COL4A4: variants seen among roughly 807,000 people sequenced by gnomAD.
The protein encoded by COL4A4 is collagen alpha-4(IV) chain.
COL4A4 carries 105 observed loss-of-function variants against 192.9 expected under a neutral mutation model. The observed-to-expected ratio is 0.54, with a 90% CI of 0.46 to 0.64. The LOEUF is 0.64. COL4A4 is among the 30% of genes least tolerant of loss of function. The pLI is 0.00. For synonymous variants in COL4A4, 762 were observed against 769.9 expected (o/e 0.99, Z 0.17); for missense variants, 1,967 against 2,169.3 (o/e 0.91, Z 1.85).
intron 23 of COL4A4, 94 bp from the exon 24 acceptor site, chr2:227,080,643 T>C: frequency 8.9e-7 from 1 of 1,119,368 alleles, no homozygotes; most frequent in South Asian, 1.3e-5. Flanking sequence ...ACCTTGATTC[T>C]GGGTTGGTAG....
chr2:227,133,405 C>A (rs1429162053), intron 4 of COL4A4, among the ~76,000 whole-genome samples: 1 of 152,220 alleles, frequency 6.6e-6, no homozygotes, highest in African/African-American at 2.4e-5. Flanking sequence ...TTTTCTCATG[C>A]ACGGATGCTG....
intron 24 of COL4A4, among the ~76,000 whole-genome samples, chr2:227,078,922 C>G (rs567732386): frequency 3.5e-4 from 54 of 152,306 alleles, no homozygotes; most frequent in Admixed American, 5.9e-4. Flanking sequence ...ATAGTAAAAT[C>G]AATCCCCAGT....
chr2:227,137,213 C>A (rs1255259027), intron 4 of COL4A4, among the ~76,000 whole-genome samples: 1 of 152,176 alleles, frequency 6.6e-6, no homozygotes, highest in Non-Finnish European at 1.5e-5. Flanking sequence ...TCTACACATG[C>A]AATGCCTTGC....
chr2:226,994,987 G>C, the COL4A4 span, among the ~76,000 whole-genome samples: 11 of 152,224 alleles, frequency 7.2e-5, no homozygotes, highest in African/African-American at 2.6e-4. Flanking sequence ...TGGGGCAGGA[G>C]GCGGCACATT....
intron 1 of COL4A4, among the ~76,000 whole-genome samples, chr2:227,160,996 A>T (rs1388016300): frequency 1.2e-4 from 19 of 152,252 alleles, no homozygotes; most frequent in Non-Finnish European, 2.8e-4. Context: ...TTAATGAAGC[A>T]GCTGTGGGCA....
At chr2:226,971,406 G>T in the COL4A4 span, among the ~76,000 whole-genome samples, 1 of 152,366 alleles carries the variant, frequency 6.6e-6, no homozygotes, top group East Asian at 1.9e-4. Flanking sequence ...CAGTGAAGCA[G>T]AACGGGCATC....
At chr2:227,060,903 G>A (rs1185415066) in intron 26 of COL4A4, among the ~76,000 whole-genome samples, 1 of 151,806 alleles carries the variant, frequency 6.6e-6, no homozygotes, top group African/African-American at 2.4e-5. Flanking sequence ...AATTTTTTAT[G>A]TTTTTAGTAG....
At chr2:227,136,517 A>G (rs1353626002) in intron 4 of COL4A4, among the ~76,000 whole-genome samples, 2 of 152,216 alleles carry the variant, frequency 1.3e-5, no homozygotes, top group Non-Finnish European at 2.9e-5. Flanking sequence ...TGCTGGGGCT[A>G]GACTGTGAGC....
intron 35 of COL4A4, among the ~76,000 whole-genome samples, chr2:227,045,321 A>G (rs1972242988): frequency 6.6e-6 from 1 of 152,186 alleles, no homozygotes. Context: ...CCAAGACCAC[A>G]GGTGAAGTAA....
At chr2:227,027,776 C>T in intron 42 of COL4A4, 126 bp downstream of exon 42, 3 of 784,086 alleles carry the variant, frequency 3.8e-6, no homozygotes, top group South Asian at 2.8e-5. Flanking sequence ...GAAATATACT[C>T]TTAATATAAG....
At chr2:227,087,551 A>T (rs1441097935) in intron 22 of COL4A4, among the ~76,000 whole-genome samples, 3 of 152,106 alleles carry the variant, frequency 2.0e-5, no homozygotes, top group Non-Finnish European at 4.4e-5. Flanking sequence ...CTAACAGCCA[A>T]CATGTTGGCT....
intron 37 of COL4A4, among the ~76,000 whole-genome samples, chr2:227,041,783 G>A (rs1407094240): frequency 0.032 from 1,780 of 55,488 alleles, 164 homozygotes; most frequent in East Asian, 0.19. Flanking sequence ...AGGAAGGAAG[G>A]AAGGGAAAGA....
intron 3 of COL4A4, among the ~76,000 whole-genome samples, chr2:227,143,399 G>A (rs2063348014): frequency 6.6e-6 from 1 of 152,126 alleles, no homozygotes; most frequent in African/African-American, 2.4e-5. Flanking sequence ...AATCCGGATG[G>A]GTAATACCAA....
chr2:227,033,477 G>C lies in COL4A4; in HGVS notation c.3510C>G (p.Pro1170=). The change falls in exon 38 of 48, where the codon CCC becomes CCG. Residue 1170 remains proline, a synonymous_variant. Transcript: ENST00000396625. ...AGCCGTTCAGGCCAGGTGATCCGGA[G>C]GGACCTGAAAAACACCACAGGCCTG... ...GIPGPPGIKG[P]SGSPGLNGLH... is the part of the protein sequence containing the mutation. 1 of 1,613,060 alleles carries C rather than the reference G, an allele frequency of 6.2e-7. No individual in the cohort carries two copies.
chr2:227,100,990 A>T (rs1287552711), intron 17 of COL4A4, among the ~76,000 whole-genome samples: 1 of 151,930 alleles, frequency 6.6e-6, no homozygotes, highest in Non-Finnish European at 1.5e-5. Context: ...TTGTATTTTT[A>T]GTAGAGACGG....
intron 12 of COL4A4, among the ~76,000 whole-genome samples, chr2:227,106,576 T>C (rs1378932613): frequency 1.3e-5 from 2 of 152,360 alleles, no homozygotes; most frequent in Non-Finnish European, 2.9e-5. Context: ...TATTTATTTA[T>C]ATTTTTTGAG....
rs780438731 is a variant in COL4A4 at position 227,094,113 on chromosome 2, G to A, written c.1369+12C>T. On this transcript the variant is annotated intron_variant, in intron 20 of 47. Coordinates refer to ENST00000396625, the MANE Select transcript of COL4A4 (RefSeq NM_000092.5). Reference sequence around the variant, plus strand: ...CATAAATGCTAATGGATATGAATAAGGAGTACTTTACCACTTGATCCTGGG... The same window carrying A: ...CATAAATGCTAATGGATATGAATAAAGAGTACTTTACCACTTGATCCTGGG... 5.0e-6 allele frequency: 8 copies of A among 1,612,008 alleles called. No individual in the cohort carries two copies. Among genetic ancestry groups the A allele is most frequent in the East Asian group, 2.2e-5 (1 of 44,888 alleles).
At chr2:227,010,215 T>C (rs759604729) in intron 46 of COL4A4, 98 bp downstream of exon 46, 153 of 1,219,502 alleles carry the variant, frequency 1.3e-4, no homozygotes, top group Non-Finnish European at 1.6e-4. Context: ...AATAATCCCA[T>C]ATAAGGTTAG....
At chr2:227,086,569 G>A (rs915909645) in intron 22 of COL4A4, among the ~76,000 whole-genome samples, 10 of 151,806 alleles carry the variant, frequency 6.6e-5, no homozygotes, top group Admixed American at 1.3e-4. Context: ...AAGCCATATG[G>A]ACAGAATCAT....
Sources: gnomAD v4.1 joint callset for allele counts (sites outside exome capture counted in the v4.1 genomes callset) on GRCh38, gnomAD v4.1.1 for gene constraint, MANE v1.5 for transcripts, NCBI Gene and HGNC (gene_info 2026-07-23, HGNC 2026-07-21) for gene names.